NTRK3: variants seen among roughly 807,000 people sequenced by gnomAD.
NTRK3 encodes the protein NT-3 growth factor receptor.
A neutral mutation model predicts 91.7 loss-of-function variants in NTRK3; 24 were observed. That is an observed-to-expected ratio of 0.26 (90% confidence interval 0.19 to 0.37). NTRK3 has a LOEUF of 0.37. Ranked by LOEUF, NTRK3 falls within the 10% of genes least tolerant of loss-of-function variation. The probability of loss-of-function intolerance (pLI) is 1.00; values close to 1 mark genes in which losing one functional copy is unlikely to be tolerated. For missense variants in NTRK3, 880 were observed against 1,068.9 expected (o/e 0.82, Z 2.46); for synonymous variants, 483 against 404.0 (o/e 1.20, Z -2.34).
At chr15:87,960,081 G>A (rs139230760) in intron 14 of NTRK3, among the ~76,000 whole-genome samples, 1 of 152,298 alleles carries the variant, frequency 6.6e-6, no homozygotes, top group African/African-American at 2.4e-5. Context: ...ACTCATAATG[G>A]TGAAAATAGG....
intron 13 of NTRK3, among the ~76,000 whole-genome samples, chr15:88,092,635 G>C (rs2049129636): frequency 6.6e-6 from 1 of 152,222 alleles, no homozygotes; most frequent in Non-Finnish European, 1.5e-5. Flanking sequence ...AGTTCTGCAG[G>C]CACAAGGTTG....
intron 13 of NTRK3, chr15:88,098,902 C>CA (rs879416687): frequency 4.7e-5 from 11 of 232,330 alleles, no homozygotes; most frequent in Admixed American, 1.1e-4. Flanking sequence ...AAAATTAATG[C>CA]AAAAAATCTG....
intron 13 of NTRK3, among the ~76,000 whole-genome samples, chr15:88,066,942 A>G (rs1048253669): frequency 1.3e-5 from 2 of 152,170 alleles, no homozygotes; most frequent in African/African-American, 2.4e-5. Context: ...CCTTTCTCCC[A>G]GGCTCCACTG....
chr15:88,037,360 G>A (rs1049955145), intron 13 of NTRK3, among the ~76,000 whole-genome samples: 3 of 152,122 alleles, frequency 2.0e-5, no homozygotes, highest in African/African-American at 7.2e-5. Flanking sequence ...TCAGGCATTC[G>A]AGACCAGCCT....
At chr15:87,988,648 T>C (rs2075042738) in intron 14 of NTRK3, among the ~76,000 whole-genome samples, 1 of 152,234 alleles carries the variant, frequency 6.6e-6, no homozygotes, top group African/African-American at 2.4e-5. Context: ...TAATGGTGTT[T>C]AGGGAAGACG....
At chr15:88,138,049 C>G (rs1397186271) in intron 6 of NTRK3, among the ~76,000 whole-genome samples, 21 of 150,640 alleles carry the variant, frequency 1.4e-4, no homozygotes, top group Non-Finnish European at 3.0e-5. Context: ...GATTCCGTCT[C>G]AAAAATAAAA....
At chr15:88,184,335 A>C (rs368648406) in intron 3 of NTRK3, 36 bp from the exon 4 acceptor site, 1 of 1,603,240 alleles carries the variant, frequency 6.2e-7, no homozygotes, top group Non-Finnish European at 8.5e-7. Flanking sequence ...GTCAGCCAGA[A>C]GCAACAGAAA....
intron 5 of NTRK3, among the ~76,000 whole-genome samples, chr15:88,157,819 A>T (rs1233581221): frequency 6.6e-6 from 1 of 152,054 alleles, no homozygotes; most frequent in African/African-American, 2.4e-5. Flanking sequence ...GAAAATGGGG[A>T]TCCCAGAGGT....
At chr15:88,169,152 AC>A (rs935678338) in intron 5 of NTRK3, among the ~76,000 whole-genome samples, 3 of 152,152 alleles carry the variant, frequency 2.0e-5, no homozygotes, top group African/African-American at 7.2e-5. Flanking sequence ...CTGGTCCCAC[AC>A]CATACCACGC....
At chr15:87,996,905 A>C (rs567083215) in intron 14 of NTRK3, among the ~76,000 whole-genome samples, 2 of 152,328 alleles carry the variant, frequency 1.3e-5, no homozygotes, top group South Asian at 4.1e-4. Flanking sequence ...TTGGGACCTC[A>C]CTGTGCCTAT....
chr15:88,159,517 G>A (rs2044234510), intron 5 of NTRK3, among the ~76,000 whole-genome samples: 1 of 152,154 alleles, frequency 6.6e-6, no homozygotes, highest in South Asian at 2.1e-4. Flanking sequence ...TGCTGGTTTG[G>A]GAACCACACT....
intron 3 of NTRK3, among the ~76,000 whole-genome samples, chr15:88,209,650 G>T (rs781506261): frequency 1.2e-4 from 19 of 152,242 alleles, no homozygotes; most frequent in Non-Finnish European, 2.4e-4. Flanking sequence ...TCTGGCAGGA[G>T]CCAGGAACAG....
intron 13 of NTRK3, among the ~76,000 whole-genome samples, chr15:88,049,630 T>C (rs1464391826): frequency 6.6e-6 from 1 of 152,218 alleles, no homozygotes; most frequent in Non-Finnish European, 1.5e-5. Context: ...TTGTCAATAT[T>C]ATCTGAAACT....
chr15:88,036,422 TA>T (rs35431872), intron 13 of NTRK3, among the ~76,000 whole-genome samples: 38,046 of 141,764 alleles, frequency 0.27, 5,250 homozygotes, highest in Middle Eastern at 0.43. Flanking sequence ...AATCTACACC[TA>T]AAAAAAAAAA....
intron 14 of NTRK3, among the ~76,000 whole-genome samples, chr15:87,965,506 A>G (rs1176582295): frequency 2.0e-5 from 3 of 152,098 alleles, no homozygotes; most frequent in African/African-American, 7.2e-5. Flanking sequence ...ATCAGTCTCT[A>G]TGGCAACTGG....
intron 14 of NTRK3, chr15:87,981,358 C>T (rs1209266102): frequency 1.1e-5 from 18 of 1,613,768 alleles, no homozygotes; most frequent in Non-Finnish European, 1.5e-5. Flanking sequence ...TTTGAAAAGA[C>T]CCCTGGCAGA....
At chr15:88,180,485 C>T (rs181471955) in intron 5 of NTRK3, among the ~76,000 whole-genome samples, 3 of 152,220 alleles carry the variant, frequency 2.0e-5, no homozygotes, top group Admixed American at 2.0e-4. Context: ...GACAACTTGG[C>T]CAAAACTTTG....
At chr15:87,992,629 G>T (rs2075377511) in intron 14 of NTRK3, among the ~76,000 whole-genome samples, 1 of 152,226 alleles carries the variant, frequency 6.6e-6, no homozygotes, top group Non-Finnish European at 1.5e-5. Context: ...AAAGTGCTGT[G>T]CATGGATTTT....
intron 15 of NTRK3, 40 bp from the exon 16 acceptor site, chr15:87,933,224 G>A (rs753352278): frequency 1.2e-6 from 2 of 1,603,634 alleles, no homozygotes; most frequent in East Asian, 2.2e-5. Flanking sequence ...ACAACTACAG[G>A]GCAGGGGGCT....
Sources: gnomAD v4.1 joint callset for allele counts (sites outside exome capture counted in the v4.1 genomes callset) on GRCh38, gnomAD v4.1.1 for gene constraint, MANE v1.5 for transcripts, NCBI Gene and HGNC (gene_info 2026-07-23, HGNC 2026-07-21) for gene names.